The following CERKL variants were observed in gnomAD, a reference collection of about 807,000 sequenced individuals.
CERKL encodes ceramide kinase-like protein.
In CERKL, 61 loss-of-function variants were observed where a neutral mutation model predicts 63.4. That is an observed-to-expected ratio of 0.96 (90% confidence interval 0.78 to 1.19). CERKL has a LOEUF of 1.19. CERKL is among the 50% of genes most tolerant of loss of function. CERKL has a pLI of 0.00. For missense variants in CERKL, 675 were observed against 655.5 expected, an observed-to-expected ratio of 1.03 and a Z score of -0.33; for synonymous variants, 250 against 230.5, an observed-to-expected ratio of 1.08 and a Z score of -0.77.
chr2:181,645,037 C>G (rs1422415220), intron 1 of CERKL, among the ~76,000 whole-genome samples: 1 of 152,088 alleles, frequency 6.6e-6, no homozygotes, highest in African/African-American at 2.4e-5. Context: ...CTTCAGTGGG[C>G]TTTAAACAAG....
At chr2:181,605,580 C>T (rs1685642361) in intron 1 of CERKL, among the ~76,000 whole-genome samples, 1 of 152,072 alleles carries the variant, frequency 6.6e-6, no homozygotes, top group Admixed American at 6.6e-5. Flanking sequence ...TAAAAGCAAG[C>T]CTCTCAAAAG....
At chr2:181,616,167 G>T (rs544342064) in intron 1 of CERKL, among the ~76,000 whole-genome samples, 1 of 148,932 alleles carries the variant, frequency 6.7e-6, no homozygotes, top group African/African-American at 2.5e-5. Flanking sequence ...ATTTTCATGT[G>T]AAGTCTAAGA....
At chr2:181,539,357 T>C in intron 11 of CERKL, 93 bp from the exon 12 acceptor site, 2 of 804,206 alleles carry the variant, frequency 2.5e-6, no homozygotes, top group South Asian at 3.0e-5. Context: ...CAAGTAAATA[T>C]CAGCATGTAT....
intron 1 of CERKL, among the ~76,000 whole-genome samples, chr2:181,629,765 CTAT>C (rs1686871064): frequency 2.0e-5 from 3 of 151,810 alleles, no homozygotes; most frequent in East Asian, 1.9e-4. Flanking sequence ...GTCCATATAA[CTAT>C]TATTATTTGT....
Position 181,537,419 on chromosome 2 carries a change from C to CAACTT in CERKL, c.*760_*764dup, listed in dbSNP as rs1477669198. On this transcript the variant is annotated 3_prime_UTR_variant, in exon 13 of 13. Coordinates refer to ENST00000410087, the MANE Select transcript of CERKL (RefSeq NM_201548.5). ...CCCAGTTCAAAATAGTATTTGTTAT[C>CAACTT]AACTTACTTTGTTACTTGTATCATG... 3 of 451,504 alleles carry CAACTT rather than the reference C, an allele frequency of 6.6e-6. No individual in the cohort carries two copies. The highest frequency in any genetic ancestry group is 1.3e-5 in the Non-Finnish European group (3 of 225,130). 28.0% of individuals were successfully genotyped at this position (451,504 alleles called of 1,614,324 possible). A position where few individuals can be genotyped will look rare whatever the true frequency, so the allele number is the denominator to read the frequency against.
At chr2:181,584,836 T>C (rs1441348909) in intron 2 of CERKL, among the ~76,000 whole-genome samples, 3 of 151,918 alleles carry the variant, frequency 2.0e-5, no homozygotes, top group African/African-American at 7.2e-5. Context: ...TTTTTGTTTT[T>C]GTTTTTTTCA....
At chr2:181,552,349 G>T (rs911642468) in intron 5 of CERKL, among the ~76,000 whole-genome samples, 2 of 152,092 alleles carry the variant, frequency 1.3e-5, no homozygotes, top group Admixed American at 6.6e-5. Flanking sequence ...ATTGAATCAC[G>T]GGGGTGGTTT....
At chr2:181,539,427 G>A (rs1687388194) in intron 11 of CERKL, among the ~76,000 whole-genome samples, 163 bp from the exon 12 acceptor site, 1 of 152,068 alleles carries the variant, frequency 6.6e-6, no homozygotes, top group South Asian at 2.1e-4. Flanking sequence ...TTTGGAAGAA[G>A]GAATCTCTTA....
At chr2:181,620,978 T>C (rs1256506402) in intron 1 of CERKL, among the ~76,000 whole-genome samples, 2 of 152,232 alleles carry the variant, frequency 1.3e-5, no homozygotes, top group Non-Finnish European at 2.9e-5. Flanking sequence ...TTATAATTGG[T>C]TTGATTTTTA....
intron 3 of CERKL, among the ~76,000 whole-genome samples, chr2:181,569,163 C>A: frequency 6.6e-6 from 1 of 152,168 alleles, no homozygotes; most frequent in East Asian, 1.9e-4. Context: ...GTTCCAACTT[C>A]CTAACTCACA....
intron 1 of CERKL, among the ~76,000 whole-genome samples, chr2:181,619,001 T>C (rs1194450632): frequency 6.6e-6 from 1 of 152,216 alleles, no homozygotes; most frequent in African/African-American, 2.4e-5. Flanking sequence ...ACACCATCTA[T>C]GCAACAAGTT....
intron 5 of CERKL, among the ~76,000 whole-genome samples, chr2:181,557,748 A>G (rs554339913): frequency 6.6e-6 from 1 of 152,302 alleles, no homozygotes; most frequent in African/African-American, 2.4e-5. Flanking sequence ...TGTGGCATGT[A>G]GGAGCCTCCA....
intron 1 of CERKL, among the ~76,000 whole-genome samples, chr2:181,636,129 T>A (rs2105495431): frequency 6.6e-6 from 1 of 152,286 alleles, no homozygotes; most frequent in Admixed American, 6.5e-5. Flanking sequence ...TCCCTTCTGT[T>A]TACATATTTT....
At chr2:181,615,397 G>A (rs1343492255) in intron 1 of CERKL, among the ~76,000 whole-genome samples, 2 of 152,170 alleles carry the variant, frequency 1.3e-5, no homozygotes, top group South Asian at 2.1e-4. Context: ...TGTAAGCCTC[G>A]GGCTTGTCTA....
At chr2:181,630,152 C>A (rs1016299444) in intron 1 of CERKL, among the ~76,000 whole-genome samples, 4 of 152,122 alleles carry the variant, frequency 2.6e-5, no homozygotes, top group Non-Finnish European at 4.4e-5. Flanking sequence ...CAGCCTCAGC[C>A]TCACCCTCTT....
chr2:181,630,312 C>T (rs1346414047), intron 1 of CERKL, among the ~76,000 whole-genome samples: 1 of 152,076 alleles, frequency 6.6e-6, no homozygotes, highest in South Asian at 2.1e-4. Context: ...TCCCAAAGTG[C>T]TGGGATTACA....
intron 1 of CERKL, among the ~76,000 whole-genome samples, chr2:181,605,162 G>A (rs567310565): frequency 3.9e-5 from 6 of 152,282 alleles, no homozygotes; most frequent in Non-Finnish European, 8.8e-5. Flanking sequence ...CCCTACGACC[G>A]CCCCAACCTA....
intron 2 of CERKL, among the ~76,000 whole-genome samples, chr2:181,596,972 T>G (rs1685240680): frequency 6.6e-6 from 1 of 152,218 alleles, no homozygotes; most frequent in Non-Finnish European, 1.5e-5. Flanking sequence ...AATAGCACCC[T>G]ATTTATATTT....
intron 1 of CERKL, among the ~76,000 whole-genome samples, chr2:181,631,531 T>C (rs891451101): frequency 3.3e-5 from 5 of 151,938 alleles, no homozygotes; most frequent in African/African-American, 1.2e-4. Flanking sequence ...CTAATGCTGC[T>C]TTTTGCACCT....
Sources: allele counts gnomAD v4.1 joint callset (sites outside exome capture counted in the v4.1 genomes callset), GRCh38; gene constraint gnomAD v4.1.1; transcripts MANE v1.5; gene names NCBI Gene and HGNC (gene_info 2026-07-23, HGNC 2026-07-21).